POR: variants seen among roughly 807,000 people sequenced by gnomAD.
POR encodes the protein cytochrome p450 oxidoreductase, also known as NADPH--cytochrome P450 reductase.
A neutral mutation model predicts 84.0 loss-of-function variants in POR; 56 were observed. The ratio of observed to expected loss-of-function variants is 0.67; its 90% CI spans 0.54 to 0.83. POR has a LOEUF of 0.83. Ranked by LOEUF, POR falls within the 40% of genes least tolerant of loss-of-function variation. The pLI is 0.00. For synonymous variants in POR, 414 were observed against 400.5 expected, an observed-to-expected ratio of 1.03 and a Z score of -0.40; for missense variants, 938 against 944.3, an observed-to-expected ratio of 0.99 and a Z score of 0.09.
intron 2 of POR, among the ~76,000 whole-genome samples, chr7:75,955,054 C>T (rs1396775731): frequency 1.3e-5 from 2 of 152,104 alleles, no homozygotes; most frequent in African/African-American, 4.8e-5. Context: ...ATGTCCCGGG[C>T]TGGTCTCGAA....
Position 75,985,760 on chromosome 7 carries a change from C to T in POR, c.1580C>T (p.Ala527Val), listed in dbSNP as rs782343229. ...TCCCAGTTCCGCCTGCCCTTCAAGG[C>T]CACCACGCCTGTCATCATGGTGGGC... The change falls in exon 13 of 16, where the codon GCC (alanine) becomes GTC (valine). Residue 527 changes from alanine to valine, a missense_variant. Transcript: ENST00000461988. 9 of 1,580,600 alleles carry T rather than the reference C, an allele frequency of 5.7e-6. No individual in the cohort carries two copies. The highest frequency in any genetic ancestry group is 2.3e-5 in the East Asian group (1 of 43,018).
intron 1 of POR, among the ~76,000 whole-genome samples, chr7:75,935,032 A>G (rs192805108): frequency 6.6e-6 from 1 of 152,134 alleles, no homozygotes; most frequent in Non-Finnish European, 1.5e-5. Context: ...TGTCCTCCAG[A>G]CCCCGGAATG....
Position 75,986,420 on chromosome 7 carries a change from C to T in POR, c.1982C>T (p.Ala661Val), listed in dbSNP as rs782753228. The change falls in exon 16 of 16, where the codon GCG (alanine) becomes GTG (valine). Residue 661 changes from alanine (A) to valine (V), a missense_variant. By Grantham distance (64) the Ala-to-Val change is moderately conservative (BLOSUM62 0). Transcript: ENST00000461988. ...CTCGGGGCCATGGAGCACGCGCAGG[C>T]GGTGGACTACATCAAGAAACTGATG... 37 of 1,612,378 alleles carry T rather than the reference C, an allele frequency of 2.3e-5. No homozygotes were observed. The highest frequency in any genetic ancestry group is 3.0e-5 in the Non-Finnish European group (35 of 1,179,870).
rs1554559042 is a variant in POR, at chr7:75,985,567, C to T, written c.1399-12C>T. 1 of 1,522,316 alleles carries T rather than the reference C, an allele frequency of 6.6e-7. No homozygotes were observed. The highest frequency in any genetic ancestry group is 2.0e-5 in the Admixed American group (1 of 51,224). The allele number at this position is 1,522,316 out of a possible 1,614,324, so 94.3% of individuals were successfully genotyped here. ...CGGTGTGGCGGTGGAGCTCACACGG[C>T]CCTCCCCACAGGTCCACCCCAACTC... is the stretch of plus-strand genomic sequence containing the variant. On this transcript the variant is annotated splice_polypyrimidine_tract_variant and intron_variant, in intron 12 of 15. Coordinates refer to ENST00000461988, the MANE Select transcript of POR (RefSeq NM_000941.3).
intron 2 of POR, among the ~76,000 whole-genome samples, chr7:75,965,947 G>T (rs1430944989): frequency 6.6e-6 from 1 of 152,092 alleles, no homozygotes; most frequent in Non-Finnish European, 1.5e-5. Flanking sequence ...GGTAAAGCCG[G>T]GGGAGGTGCA....
chr7:75,965,661 C>G (rs1467261451), intron 2 of POR, among the ~76,000 whole-genome samples: 3 of 152,208 alleles, frequency 2.0e-5, no homozygotes, highest in Non-Finnish European at 4.4e-5. Flanking sequence ...AAAATTAGCC[C>G]TAGTCCTGGC....
intron 1 of POR, among the ~76,000 whole-genome samples, chr7:75,931,303 A>G (rs777900305): frequency 1.9e-4 from 29 of 152,190 alleles, no homozygotes; most frequent in Non-Finnish European, 1.3e-4. Flanking sequence ...TCTAAGTGAA[A>G]GAAACCAGTT....
In POR at chr7:75,985,668, G is replaced by C. The variant is rs782189648; in HGVS notation, c.1488G>C (p.Trp496Cys). The change falls in exon 13 of 16, where the codon TGG becomes TGC. Residue 496 changes from tryptophan to cysteine, a missense_variant. Transcript: ENST00000461988. ...TCAACAAGGGCGTGGCCACCAACTGGCTGCGGGCCAAGGAGCCTGCCGGGG... is the reference window on the plus strand; with the variant it reads ...TCAACAAGGGCGTGGCCACCAACTGCCTGCGGGCCAAGGAGCCTGCCGGGG... The C allele has an allele frequency of 5.6e-6, 9 of 1,594,080 alleles. No individual in the cohort carries two copies. The highest frequency in any genetic ancestry group is 2.3e-5 in the East Asian group (1 of 43,984).
chr7:75,954,092 T>C lies in POR; in HGVS notation c.100T>C (p.Phe34Leu), dbSNP rs370315473. 4 of 1,613,154 alleles carry C rather than the reference T, an allele frequency of 2.5e-6. No individual in the cohort carries two copies. The African/African-American group carries it at 5.3e-5, about 22-fold the overall frequency. Residue 34 changes from phenylalanine to leucine, a missense_variant, in exon 2 of 16, where the codon TTT becomes CTT. Physicochemically the swap from Phe to Leu is conservative, Grantham distance 22. Transcript: ENST00000461988. ...TTTCAGCATGACGGACATGATTCTGTTTTCGCTCATCGTGGGTCTCCTAAC... is the reference window on the plus strand; with the variant it reads ...TTTCAGCATGACGGACATGATTCTGCTTTCGCTCATCGTGGGTCTCCTAAC...
At chr7:75,985,340 A>G (rs986308259) in intron 12 of POR, 133 bp downstream of exon 12, 2 of 1,257,748 alleles carry the variant, frequency 1.6e-6, no homozygotes, top group Non-Finnish European at 2.1e-6. Context: ...CGCAGCTCCA[A>G]ATGCCTCCCC....
At chr7:75,969,303 G>A (rs1415903835) in intron 2 of POR, among the ~76,000 whole-genome samples, 1 of 152,222 alleles carries the variant, frequency 6.6e-6, no homozygotes, top group African/African-American at 2.4e-5. Flanking sequence ...GTGTGGGCAC[G>A]AGAGGGGCGG....
intron 2 of POR, chr7:75,968,203 C>G (rs1304636423): frequency 4.3e-6 from 2 of 464,758 alleles, no homozygotes; most frequent in East Asian, 7.0e-5. Context: ...CACCCTCACT[C>G]GAGTGTGGGA....
At chr7:75,934,489 A>G (rs998389065) in intron 1 of POR, among the ~76,000 whole-genome samples, 1 of 152,228 alleles carries the variant, frequency 6.6e-6, no homozygotes, top group African/African-American at 2.4e-5. Context: ...AACTTTTTCA[A>G]GAGAATTCAA....
At chr7:75,925,948 G>A (rs1424589137) in intron 1 of POR, among the ~76,000 whole-genome samples, 2 of 151,960 alleles carry the variant, frequency 1.3e-5, no homozygotes, top group African/African-American at 2.4e-5. Context: ...GTGAGAGGCA[G>A]CCAGTCCAAA....
rs782357648 is a variant in POR, at chr7:75,985,989, G to T, written c.1736G>T (p.Arg579Leu). 1 of 1,576,924 alleles carries T rather than the reference G, an allele frequency of 6.3e-7. No individual in the cohort carries two copies. The stretch of plus-strand genomic sequence containing the variant: ...CGCTCGGATGAGGACTACCTGTACC[G>T]GGAGGAGCTGGCGCAGTTCCACAGG... The change falls in exon 14 of 16, where the codon CGG (arginine) becomes CTG (leucine). Residue 579 changes from arginine to leucine, a missense_variant. Arg to Leu is a moderately radical substitution (Grantham distance 102). Coordinates refer to ENST00000461988, the MANE Select transcript of POR (RefSeq NM_000941.3).
In POR at chr7:75,981,568, T is replaced by TGAAC. The variant is rs1789048561; in HGVS notation, c.694_697dup (p.His233ArgfsTer49). The TGAAC allele has an allele frequency of 2.5e-6, 4 of 1,612,992 alleles. No individual in the cohort carries two copies. Among genetic ancestry groups the TGAAC allele is most frequent in the African/African-American group, 1.3e-5 (1 of 74,916 alleles). On this transcript the variant is annotated frameshift_variant, in exon 7 of 16. Coordinates refer to ENST00000461988, the MANE Select transcript of POR (RefSeq NM_000941.3). LOFTEE classifies it high-confidence loss of function. Reference sequence around the variant, plus strand: ...GAGAGCAGTTCTGGCCGGCCGTGTGTGAACACTTTGGGGTGGAAGCCACTG... The same window carrying TGAAC: ...GAGAGCAGTTCTGGCCGGCCGTGTGTGAACGAACACTTTGGGGTGGAAGCCACTG...
At chr7:75,952,507 C>T (rs1256514814) in intron 1 of POR, among the ~76,000 whole-genome samples, 10 of 151,186 alleles carry the variant, frequency 6.6e-5, no homozygotes, top group African/African-American at 2.5e-4. Context: ...TGGGCGGAGA[C>T]GCTCCTCACT....
chr7:75,977,790 A>T (rs934259610), intron 3 of POR, among the ~76,000 whole-genome samples: 6 of 152,070 alleles, frequency 3.9e-5, no homozygotes, highest in Non-Finnish European at 4.4e-5. Context: ...ACACAAAAAT[A>T]AAAAAAAGAA....
At chr7:75,979,817 C>G in intron 4 of POR, 1 of 521,488 alleles carries the variant, frequency 1.9e-6, no homozygotes, top group Non-Finnish European at 3.3e-6. Context: ...TGGCCCTCCC[C>G]TGAGTGCCGG....
Sources: gnomAD v4.1 joint callset for allele counts (sites outside exome capture counted in the v4.1 genomes callset) on GRCh38, gnomAD v4.1.1 for gene constraint, MANE v1.5 for transcripts, NCBI Gene and HGNC (gene_info 2026-07-23, HGNC 2026-07-21) for gene names.